FAM156A: variants seen among roughly 807,000 people sequenced by gnomAD.
FAM156A encodes protein FAM156A/FAM156B.
intron 1 of FAM156A, among the ~76,000 whole-genome samples, chrX:52,980,780 C>CTGTGTGTG (rs1569204366): frequency 4.9e-5 from 3 of 61,833 alleles, no homozygotes; most frequent in Admixed American, 4.3e-4. Flanking sequence ...GTTAGGGTTC[C>CTGTGTGTG]TCTGTGTGTG....
At chrX:52,991,163 T>G (rs1163166532) in intron 1 of FAM156A, among the ~76,000 whole-genome samples, 1 of 111,529 alleles carries the variant, frequency 9.0e-6, no homozygotes, top group Admixed American at 9.5e-5. Flanking sequence ...AATTGGCTCA[T>G]GTGACTGTGG....
chrX:52,991,971 C>A (rs990979752), intron 1 of FAM156A, among the ~76,000 whole-genome samples: 1 of 105,470 alleles, frequency 9.5e-6, no homozygotes. Context: ...ACTTGCCCAC[C>A]GTCTGATCCG....
intron 1 of FAM156A, among the ~76,000 whole-genome samples, chrX:52,995,098 C>A (rs1257770984): frequency 1.8e-5 from 2 of 111,907 alleles, no homozygotes; most frequent in Non-Finnish European, 3.8e-5. Flanking sequence ...ATCAAATACA[C>A]CCAAACAGCA....
In FAM156A at chrX:52,983,607, G is replaced by T. The variant is rs782586985; in HGVS notation, c.-434+11699C>A. On this transcript the variant is annotated intron_variant, in intron 1 of 4. Coordinates refer to the FAM156A transcript ENST00000610625. ...GATATAATTTTTTCCCTCCCACCTG[G>T]AGGAGAGAGAAACCCAAATTTTTAA... 4.5e-5 allele frequency among the ~76,000 whole-genome samples: 5 copies of T among 111,828 alleles called. No individual in the cohort carries two copies. The East Asian group carries it at 1.4e-3, about 32-fold the overall frequency.
intron 1 of FAM156A, among the ~76,000 whole-genome samples, chrX:52,973,989 C>A (rs1192649844): frequency 9.0e-6 from 1 of 110,871 alleles, no homozygotes; most frequent in Non-Finnish European, 1.9e-5. Context: ...TTTAAAGTTT[C>A]TTATTTAGAA....
At chrX:52,980,548 C>T (rs1331158775) in intron 1 of FAM156A, among the ~76,000 whole-genome samples, 2 of 111,857 alleles carry the variant, frequency 1.8e-5, no homozygotes, top group African/African-American at 6.5e-5. Context: ...GAGGACCTCA[C>T]AGACAGAAAG....
At chrX:52,982,829 C>G (rs1930003403) in intron 1 of FAM156A, among the ~76,000 whole-genome samples, 1 of 113,075 alleles carries the variant, frequency 8.8e-6, no homozygotes, top group Non-Finnish European at 1.9e-5. Context: ...CCTTTTGTCT[C>G]TATCATTTAT....
rs1475069769 is a variant in FAM156A at position 52,990,797 on chromosome X, G to GAAAGAAAAGAAAGA, written c.-434+4508_-434+4509insTCTTTCTTTTCTTT. On this transcript the variant is annotated intron_variant, in intron 1 of 4. Transcript: ENST00000610625. ...AGACTGTCAAGAAAAGAAAAGAAAA[G>GAAAGAAAAGAAAGA]AAAGAAAAGAAAAGAAAAGAAAAGA... is the stretch of plus-strand genomic sequence containing the variant. 2.3e-3 allele frequency among the ~76,000 whole-genome samples: 163 copies of GAAAGAAAAGAAAGA among 69,584 alleles called. 2 individuals carry two copies. In the Middle Eastern group the frequency reaches 0.024, roughly 10 times the overall value. The allele number at this position is 69,584 out of a possible 115,157, so 60.4% of individuals were successfully genotyped here.
At chrX:52,982,179 C>T (rs1247174714) in intron 1 of FAM156A, among the ~76,000 whole-genome samples, 5 of 112,024 alleles carry the variant, frequency 4.5e-5, no homozygotes, top group African/African-American at 9.7e-5. Context: ...AAAGGCTGGG[C>T]GTGGTGGCTC....
At chrX:52,980,851 T>TGTGTGTGTGTGTGTGTGG (rs1356126923) in intron 1 of FAM156A, among the ~76,000 whole-genome samples, 2 of 43,961 alleles carry the variant, frequency 4.5e-5, no homozygotes, top group Non-Finnish European at 8.9e-5. Context: ...TGTGTGTGTG[T>TGTGTGTGTGTGTGTGTGG]AGAGGGAGAG....
At chrX:52,973,557 A>G (rs1324672092) in intron 1 of FAM156A, among the ~76,000 whole-genome samples, 26 of 111,941 alleles carry the variant, frequency 2.3e-4, no homozygotes, top group African/African-American at 7.8e-4. Flanking sequence ...GATTTGTCCT[A>G]CAAACCATGT....
intron 1 of FAM156A, among the ~76,000 whole-genome samples, chrX:52,986,191 G>A (rs374989192): frequency 9.3e-6 from 1 of 107,421 alleles, no homozygotes; most frequent in Non-Finnish European, 1.9e-5. Flanking sequence ...CTGAGGAATC[G>A]CCACACTGAC....
At chrX:52,984,013 CA>C (rs781944449) in intron 1 of FAM156A, among the ~76,000 whole-genome samples, 2 of 111,727 alleles carry the variant, frequency 1.8e-5, no homozygotes, top group African/African-American at 3.3e-5. Flanking sequence ...ACAACTGTGT[CA>C]GGGGTCCCCA....
At chrX:52,989,747 G>A (rs782376015) in intron 1 of FAM156A, among the ~76,000 whole-genome samples, 5 of 112,012 alleles carry the variant, frequency 4.5e-5, no homozygotes, top group East Asian at 2.9e-4. Flanking sequence ...AGGCGGAGCC[G>A]GCAGCTGGCC....
chrX:52,990,981 A>G (rs1314392294), intron 1 of FAM156A, among the ~76,000 whole-genome samples: 2 of 111,226 alleles, frequency 1.8e-5, no homozygotes, highest in Non-Finnish European at 3.8e-5. Flanking sequence ...GGGTGATAGA[A>G]GTAGAGTTGA....
rs1218630465 is a variant in FAM156A at position 52,987,339 on chromosome X, T to C, written c.-434+7967A>G. 2.7e-5 allele frequency among the ~76,000 whole-genome samples: 3 copies of C among 111,409 alleles called. No individual in the cohort carries two copies. The Admixed American group carries it at 2.9e-4, about 11-fold the overall frequency. The stretch of plus-strand genomic sequence containing the variant: ...ATACAAACTGATTCTAAAATTTATG[T>C]GGAAAGGGAAAGGAGCTACAACAGT... On this transcript the variant is annotated intron_variant, in intron 1 of 4. Transcript: ENST00000610625.
intron 1 of FAM156A, among the ~76,000 whole-genome samples, chrX:52,984,960 T>C (rs1262600610): frequency 2.7e-5 from 3 of 110,295 alleles, no homozygotes; most frequent in Non-Finnish European, 5.7e-5. Context: ...TAGTTGGAGA[T>C]TTCAATTCTC....
At chrX:52,989,301 G>A (rs782813267) in intron 1 of FAM156A, among the ~76,000 whole-genome samples, 2 of 111,672 alleles carry the variant, frequency 1.8e-5, no homozygotes, top group African/African-American at 3.3e-5. Flanking sequence ...CACAACCTCA[G>A]AACTTCCCTC....
At position 52,973,853 on chromosome X, in the gene FAM156A, G is replaced by A. The variant is rs1479972096; in HGVS notation, c.-433-9618C>T. 5.4e-5 allele frequency among the ~76,000 whole-genome samples: 6 copies of A among 110,762 alleles called. No individual in the cohort carries two copies. The South Asian group carries it at 1.5e-3, about 28-fold the overall frequency. ...AATTTTTTTGTGTTTTAGTAGAGAC[G>A]GGGTTTCACCATGTTGCCCAGCCTG... On this transcript the variant is annotated intron_variant, in intron 1 of 4. Coordinates refer to the FAM156A transcript ENST00000610625.
Sources: gnomAD v4.1 joint callset for allele counts (sites outside exome capture counted in the v4.1 genomes callset) on GRCh38, gnomAD v4.1.1 for gene constraint, MANE v1.5 for transcripts, NCBI Gene and HGNC (gene_info 2026-07-23, HGNC 2026-07-21) for gene names.